The following KATNIP variants were observed in gnomAD, a reference collection of about 807,000 sequenced individuals.
KATNIP encodes katanin interacting protein.
KATNIP carries 126 observed loss-of-function variants against 174.0 expected under a neutral mutation model. That is an observed-to-expected ratio of 0.72 (90% CI 0.63 to 0.84). KATNIP has a LOEUF of 0.84. Among genes scored for constraint, KATNIP ranks in the 40% least tolerant of loss-of-function variants. KATNIP has a pLI of 0.00. For missense variants in KATNIP, 1,958 were observed against 2,109.7 expected, an observed-to-expected ratio of 0.93 and a Z score of 1.41; for synonymous variants, 810 against 835.7, an observed-to-expected ratio of 0.97 and a Z score of 0.53.
intron 6 of KATNIP, among the ~76,000 whole-genome samples, chr16:27,651,023 T>A (rs2077105285): frequency 6.6e-6 from 1 of 152,208 alleles, no homozygotes; most frequent in Non-Finnish European, 1.5e-5. Context: ...AAGCATAATA[T>A]GTTACAGTCC....
chr16:27,747,238 G>T (rs1168213383), intron 15 of KATNIP, among the ~76,000 whole-genome samples: 1 of 152,222 alleles, frequency 6.6e-6, no homozygotes, highest in Non-Finnish European at 1.5e-5. Flanking sequence ...GGAGCAGGAG[G>T]TATCAAATGG....
intron 6 of KATNIP, chr16:27,654,581 T>C: frequency 7.4e-7 from 1 of 1,351,940 alleles, no homozygotes; most frequent in Non-Finnish European, 9.8e-7. Flanking sequence ...GTTTTTACCA[T>C]GCCCAGTTTT....
intron 6 of KATNIP, among the ~76,000 whole-genome samples, chr16:27,656,905 T>A (rs2077311024): frequency 6.7e-6 from 1 of 148,822 alleles, no homozygotes; most frequent in African/African-American, 2.5e-5. Context: ...ACCTGCACAA[T>A]GTGCACATGT....
chr16:27,671,830 T>C lies in KATNIP; in HGVS notation c.541-5899T>C, dbSNP rs535870652. Among the ~76,000 whole-genome samples, 758 of 151,774 alleles carry C rather than the reference T, an allele frequency of 5.0e-3. 6 individuals carry two copies. Among genetic ancestry groups the C allele is most frequent in the Non-Finnish European group, 7.0e-3 (474 of 67,818 alleles). ...CAGCACTTTGGGTGGCTGAGGCGGG[T>C]GGATCACCTGAAGTCGGGAGTTCAA... On this transcript the variant is annotated intron_variant, in intron 6 of 27. Transcript: ENST00000261588.
In KATNIP at chr16:27,562,505, G is replaced by A. The variant is rs75612208; in HGVS notation, c.8-11396G>A. ...GGAGATCTCATGAGCTACTTCCAAC[G>A]TTTCTCAAGGCAGATTGGCAGATCA... On this transcript the variant is annotated intron_variant, in intron 1 of 27. Transcript: ENST00000261588. Among the ~76,000 whole-genome samples the A allele has an allele frequency of 3.9e-3, 587 of 152,244 alleles. 2 individuals carry two copies. Among genetic ancestry groups the A allele is most frequent in the Non-Finnish European group, 6.5e-3 (445 of 68,016 alleles).
chr16:27,668,681 A>C (rs2077776182), intron 6 of KATNIP, among the ~76,000 whole-genome samples: 1 of 152,094 alleles, frequency 6.6e-6, no homozygotes, highest in South Asian at 2.1e-4. Context: ...AGATGAGGAG[A>C]CCTACTGCAC....
intron 2 of KATNIP, among the ~76,000 whole-genome samples, chr16:27,586,806 GT>G: frequency 6.7e-6 from 1 of 149,908 alleles, no homozygotes; most frequent in East Asian, 2.0e-4. Context: ...TCCAGCCTGG[GT>G]GACAAAGTGA....
intron 6 of KATNIP, among the ~76,000 whole-genome samples, chr16:27,655,503 A>G (rs1313464072): frequency 6.0e-5 from 9 of 151,136 alleles, no homozygotes; most frequent in Non-Finnish European, 1.0e-4. Context: ...TCCTGCCTCA[A>G]CCTCCCAAAG....
intron 1 of KATNIP, among the ~76,000 whole-genome samples, chr16:27,571,880 G>T (rs929319330): frequency 3.3e-5 from 5 of 152,182 alleles, no homozygotes; most frequent in African/African-American, 1.2e-4. Flanking sequence ...TGTGGTCAAG[G>T]GTTTCTGGGA....
intron 21 of KATNIP, among the ~76,000 whole-genome samples, chr16:27,770,701 G>C (rs1346670151): frequency 6.6e-6 from 1 of 152,216 alleles, no homozygotes; most frequent in Non-Finnish European, 1.5e-5. Context: ...TGGAGGAGAG[G>C]ATCCTTCCCG....
At chr16:27,635,997 A>T (rs1036839124) in intron 5 of KATNIP, among the ~76,000 whole-genome samples, 2 of 152,070 alleles carry the variant, frequency 1.3e-5, no homozygotes, top group African/African-American at 4.8e-5. Flanking sequence ...TACTAAAAAT[A>T]AAAAAATTAG....
At chr16:27,711,464 C>G (rs1209139638) in intron 13 of KATNIP, among the ~76,000 whole-genome samples, 1 of 152,160 alleles carries the variant, frequency 6.6e-6, no homozygotes, top group Non-Finnish European at 1.5e-5. Flanking sequence ...AAGGATAAAG[C>G]TTCATTCCCT....
intron 1 of KATNIP, among the ~76,000 whole-genome samples, chr16:27,557,814 T>C (rs2089691928): frequency 6.6e-6 from 1 of 152,228 alleles, no homozygotes; most frequent in Non-Finnish European, 1.5e-5. Flanking sequence ...GTTTTGTTTT[T>C]TAAATTTTTG....
At position 27,703,947 on chromosome 16, in the gene KATNIP, C is replaced by T. The variant is rs750931998; in HGVS notation, c.1338C>T (p.Ala446=). 5.0e-6 allele frequency: 8 copies of T among 1,614,086 alleles called. No homozygotes were observed. The East Asian group carries it at 1.1e-4, about 22-fold the overall frequency. The change falls in exon 12 of 28, where the codon GCC becomes GCT. Residue 446 remains alanine, a synonymous_variant. Coordinates refer to ENST00000261588, the MANE Select transcript of KATNIP (RefSeq NM_015202.5). The part of the protein sequence containing the change: ...KVLQAVESDS[A]HLGRVVSPTK... ...TCCAGGCCGTCGAAAGTGACTCTGCCCATCTCGGCAGGGTGGTTTCACCAA... is the reference window on the plus strand; with the variant it reads ...TCCAGGCCGTCGAAAGTGACTCTGCTCATCTCGGCAGGGTGGTTTCACCAA...
intron 6 of KATNIP, among the ~76,000 whole-genome samples, chr16:27,669,785 A>G (rs889059892): frequency 1.6e-4 from 24 of 152,284 alleles, no homozygotes; most frequent in African/African-American, 5.5e-4. Context: ...TGCCAGCCAC[A>G]CCGAATCTAG....
chr16:27,754,836 CAT>C (rs1251370996), intron 18 of KATNIP: 1 of 152,278 alleles, frequency 6.6e-6, no homozygotes, highest in East Asian at 1.9e-4. Context: ...TAAAATATCA[CAT>C]GAGCCAAATA....
chr16:27,606,757 G>T (rs892932218), intron 2 of KATNIP, among the ~76,000 whole-genome samples: 13 of 151,486 alleles, frequency 8.6e-5, no homozygotes, highest in Admixed American at 7.3e-4. Context: ...GTAGAAGTGG[G>T]ATCTCACTAT....
intron 1 of KATNIP, among the ~76,000 whole-genome samples, chr16:27,557,203 G>A (rs1001669711): frequency 6.6e-6 from 1 of 150,692 alleles, no homozygotes; most frequent in East Asian, 1.9e-4. Flanking sequence ...GTACAGTGGC[G>A]CGATCTTGGC....
chr16:27,712,398 G>A (rs897650325), intron 13 of KATNIP, among the ~76,000 whole-genome samples: 7 of 152,046 alleles, frequency 4.6e-5, no homozygotes, highest in Non-Finnish European at 8.8e-5. Flanking sequence ...CTGGTGCATC[G>A]CCTCGTTTAA....
Sources: allele counts gnomAD v4.1 joint callset (sites outside exome capture counted in the v4.1 genomes callset), GRCh38; gene constraint gnomAD v4.1.1; transcripts MANE v1.5; gene names NCBI Gene and HGNC (gene_info 2026-07-23, HGNC 2026-07-21).